Variants in HNRNPA1L2 observed in about 807,000 individuals in gnomAD.
HNRNPA1L2 encodes heterogeneous nuclear ribonucleoprotein A1 like 2, also known as heterogeneous nuclear ribonucleoprotein A1-like 2.
Under a neutral mutation model 18.2 loss-of-function variants are expected in HNRNPA1L2, and 10 were observed. That is an observed-to-expected ratio of 0.55 (90% CI 0.34 to 0.93). The LOEUF (loss-of-function observed/expected upper bound fraction) is 0.93. HNRNPA1L2 is among the 40% of genes least tolerant of loss of function. The probability of loss-of-function intolerance (pLI) is 0.02; values close to 1 mark genes in which losing one functional copy is unlikely to be tolerated. For synonymous variants in HNRNPA1L2, 124 were observed against 138.6 expected, an observed-to-expected ratio of 0.89 and a Z score of 0.74; for missense variants, 308 against 394.4, an observed-to-expected ratio of 0.78 and a Z score of 1.85.
At position 52,642,784 on chromosome 13, in the gene HNRNPA1L2, C is replaced by G. The variant is rs763387817; in HGVS notation, c.292C>G (p.Pro98Ala). 4 of 1,597,096 alleles carry G rather than the reference C, an allele frequency of 2.5e-6. No individual in the cohort carries two copies. The highest frequency in any genetic ancestry group is 2.2e-5 in the South Asian group (2 of 90,976). Reference protein sequence around the residue: ...RAVSREDSQRPGAHLTVKKIF... With the variant: ...RAVSREDSQRAGAHLTVKKIF... ...TGTCTCCAGAGAAGATTCTCAAAGA[C>G]CAGGTGCCCACTTAACTGTGAAAAA... The change falls in exon 1 of 1, where the codon CCA becomes GCA. Residue 98 changes from proline (P) to alanine (A), a missense_variant. Physicochemically the swap from Pro to Ala is conservative, Grantham distance 27. Coordinates refer to ENST00000357495, the MANE Select transcript of HNRNPA1L2 (RefSeq NM_001389320.1).
the HNRNPA1L2 span, among the ~76,000 whole-genome samples, chr13:52,634,918 G>A: frequency 5.9e-5 from 9 of 152,156 alleles, no homozygotes; most frequent in Non-Finnish European, 1.2e-4. Flanking sequence ...CACAGTGCCT[G>A]GAACATAGTA....
chr13:52,639,655 C>T (rs140654259), upstream of HNRNPA1L2, among the ~76,000 whole-genome samples: 313 of 132,920 alleles, frequency 2.4e-3, 1 homozygote, highest in African/African-American at 8.2e-3. Context: ...ATTTTTCTCT[C>T]GTTTTGTGTG....
the HNRNPA1L2 span, among the ~76,000 whole-genome samples, chr13:52,618,588 T>G: frequency 6.6e-6 from 1 of 152,208 alleles, no homozygotes; most frequent in Non-Finnish European, 1.5e-5. Context: ...AACTGGCTGC[T>G]TTGGAGGATT....
chr13:52,626,257 G>T, the HNRNPA1L2 span, among the ~76,000 whole-genome samples: 1 of 151,316 alleles, frequency 6.6e-6, no homozygotes, highest in African/African-American at 2.4e-5. Context: ...TATTAATTTG[G>T]GTCCCACTTA....
chr13:52,623,122 C>T, the HNRNPA1L2 span, among the ~76,000 whole-genome samples: 214 of 152,188 alleles, frequency 1.4e-3, no homozygotes, highest in African/African-American at 4.6e-3. Context: ...ACTTCCTCCT[C>T]GTCCTACTCT....
chr13:52,625,004 A>G, the HNRNPA1L2 span, among the ~76,000 whole-genome samples: 3 of 152,140 alleles, frequency 2.0e-5, no homozygotes, highest in Non-Finnish European at 2.9e-5. Flanking sequence ...GCACTCCAGC[A>G]TGGGCAACAG....
chr13:52,625,105 T>C, the HNRNPA1L2 span, among the ~76,000 whole-genome samples: 1 of 151,886 alleles, frequency 6.6e-6, no homozygotes. Context: ...TTGAATAGAT[T>C]GTTAAAAGAT....
chr13:52,631,940 A>G, the HNRNPA1L2 span, among the ~76,000 whole-genome samples: 5 of 152,210 alleles, frequency 3.3e-5, no homozygotes, highest in Non-Finnish European at 7.3e-5. Flanking sequence ...TTTTGTAATT[A>G]TAATTTGTAA....
chr13:52,638,874 A>G (rs1566161747), upstream of HNRNPA1L2, among the ~76,000 whole-genome samples: 1 of 152,220 alleles, frequency 6.6e-6, no homozygotes, highest in Non-Finnish European at 1.5e-5. Context: ...AGGAAGAACA[A>G]ATAGCTGCTG....
At chr13:52,635,550 T>G in the HNRNPA1L2 span, among the ~76,000 whole-genome samples, 1 of 150,706 alleles carries the variant, frequency 6.6e-6, no homozygotes, top group Non-Finnish European at 1.5e-5. Flanking sequence ...CACTTAGAAA[T>G]CTGAACATTT....
the HNRNPA1L2 span, among the ~76,000 whole-genome samples, chr13:52,623,760 C>T: frequency 2.0e-5 from 3 of 152,120 alleles, no homozygotes; most frequent in Non-Finnish European, 4.4e-5. Context: ...GATATGGTTA[C>T]CATAGTTACA....
At chr13:52,620,540 G>A in the HNRNPA1L2 span, among the ~76,000 whole-genome samples, 1 of 152,234 alleles carries the variant, frequency 6.6e-6, no homozygotes, top group Non-Finnish European at 1.5e-5. Flanking sequence ...AAATTCTCAA[G>A]TGTCTCCTGG....
the HNRNPA1L2 span, among the ~76,000 whole-genome samples, chr13:52,631,759 A>T: frequency 6.6e-6 from 1 of 152,232 alleles, no homozygotes; most frequent in East Asian, 1.9e-4. Context: ...AGTTTATTCA[A>T]GTAAATATGT....
chr13:52,620,980 A>G, the HNRNPA1L2 span, among the ~76,000 whole-genome samples: 2 of 152,336 alleles, frequency 1.3e-5, 1 homozygote, highest in South Asian at 4.1e-4. Flanking sequence ...ATTTACTAAT[A>G]TATTGTCAGT....
chr13:52,622,407 C>G, the HNRNPA1L2 span: 1 of 152,092 alleles, frequency 6.6e-6, no homozygotes, highest in Non-Finnish European at 1.5e-5. Context: ...CTAATAAACA[C>G]AGGGAGTCTA....
chr13:52,629,022 C>T, the HNRNPA1L2 span, among the ~76,000 whole-genome samples: 1 of 152,084 alleles, frequency 6.6e-6, no homozygotes, highest in African/African-American at 2.4e-5. Context: ...ATTACTGGTG[C>T]CTGCCACTGT....
At chr13:52,631,498 G>A in the HNRNPA1L2 span, among the ~76,000 whole-genome samples, 30 of 152,288 alleles carry the variant, frequency 2.0e-4, no homozygotes, top group African/African-American at 7.2e-4. Flanking sequence ...CGGACGTTCG[G>A]TTGAGAAAGA....
the HNRNPA1L2 span, among the ~76,000 whole-genome samples, chr13:52,628,587 T>C: frequency 6.6e-6 from 1 of 152,218 alleles, no homozygotes; most frequent in African/African-American, 2.4e-5. Flanking sequence ...TGAATATAGG[T>C]GATAGGCATA....
At chr13:52,631,678 T>TA in the HNRNPA1L2 span, among the ~76,000 whole-genome samples, 1 of 152,294 alleles carries the variant, frequency 6.6e-6, no homozygotes, top group South Asian at 2.1e-4. Context: ...GTTTAGTCCA[T>TA]AAAAAAAGAA....
Sources: allele counts gnomAD v4.1 joint callset (sites outside exome capture counted in the v4.1 genomes callset), GRCh38; gene constraint gnomAD v4.1.1; transcripts MANE v1.5; gene names NCBI Gene and HGNC (gene_info 2026-07-23, HGNC 2026-07-21).